SBF2: variants seen among roughly 807,000 people sequenced by gnomAD.
The protein encoded by SBF2 is SET binding factor 2.
Under a neutral mutation model 225.2 loss-of-function variants are expected in SBF2, and 112 were observed. The observed-to-expected ratio is 0.50, with a 90% CI of 0.43 to 0.58. SBF2 has a LOEUF of 0.58. Among genes scored for constraint, SBF2 ranks in the 20% least tolerant of loss-of-function variants. The probability of loss-of-function intolerance (pLI) is 0.00; values close to 1 mark genes in which losing one functional copy is unlikely to be tolerated. For missense variants in SBF2, 1,996 were observed against 2,206.2 expected (o/e 0.90, Z 1.91); for synonymous variants, 763 against 773.3 (o/e 0.99, Z 0.22).
At chr11:9,850,986 A>G (rs1856886798) in intron 21 of SBF2, among the ~76,000 whole-genome samples, 1 of 152,048 alleles carries the variant, frequency 6.6e-6, no homozygotes, top group South Asian at 2.1e-4. Context: ...AAACACAAAA[A>G]TTAGCTGGGC....
At chr11:10,293,975 G>A in intron 1 of SBF2, 40 bp downstream of exon 1, 2 of 1,293,246 alleles carry the variant, frequency 1.5e-6, no homozygotes, top group South Asian at 2.4e-5. Flanking sequence ...GCGGCCGGGG[G>A]GCGGGGAGGC....
intron 9 of SBF2, 58 bp downstream of exon 9, chr11:9,998,208 C>G: frequency 1.0e-6 from 1 of 982,916 alleles, no homozygotes. Context: ...TTAATTTTAG[C>G]TATCTTAGCT....
At chr11:9,805,716 G>A (rs369079517) in intron 32 of SBF2, among the ~76,000 whole-genome samples, 2 of 152,078 alleles carry the variant, frequency 1.3e-5, no homozygotes, top group Non-Finnish European at 1.5e-5. Context: ...TCCGCCTCCC[G>A]GGTTCAAGCG....
intron 16 of SBF2, among the ~76,000 whole-genome samples, chr11:9,911,937 C>T (rs551490059): frequency 4.6e-5 from 7 of 152,350 alleles, no homozygotes; most frequent in South Asian, 2.1e-4. Context: ...GTCCAACACG[C>T]GGCCCACAGG....
intron 16 of SBF2, among the ~76,000 whole-genome samples, chr11:9,954,001 G>A (rs1212332456): frequency 1.3e-5 from 2 of 152,160 alleles, no homozygotes; most frequent in East Asian, 1.9e-4. Flanking sequence ...AAAAGTTAAG[G>A]CCATGATATT....
At chr11:9,942,578 T>C (rs1865318411) in intron 16 of SBF2, among the ~76,000 whole-genome samples, 1 of 152,194 alleles carries the variant, frequency 6.6e-6, no homozygotes, top group Non-Finnish European at 1.5e-5. Context: ...AGATACAGCA[T>C]GGGGGCTTGC....
chr11:10,024,553 T>C (rs188129097), intron 6 of SBF2, among the ~76,000 whole-genome samples: 3 of 152,000 alleles, frequency 2.0e-5, no homozygotes, highest in African/African-American at 7.3e-5. Context: ...ACAGCAAGCA[T>C]CTCCCCAAAC....
chr11:10,297,875 G>A (rs1438309536), upstream of SBF2, among the ~76,000 whole-genome samples: 1 of 152,244 alleles, frequency 6.6e-6, no homozygotes, highest in Non-Finnish European at 1.5e-5. Context: ...ACAGCTGCCA[G>A]CCTGTTGAAA....
intron 16 of SBF2, among the ~76,000 whole-genome samples, chr11:9,919,799 T>C (rs1284773453): frequency 6.6e-6 from 1 of 152,138 alleles, no homozygotes; most frequent in East Asian, 1.9e-4. Context: ...TCTCCTCCCT[T>C]AGGCTCACTA....
intron 16 of SBF2, among the ~76,000 whole-genome samples, chr11:9,912,314 C>T (rs1290988828): frequency 2.7e-5 from 4 of 146,054 alleles, no homozygotes; most frequent in Non-Finnish European, 6.0e-5. Context: ...TAGCTGGGTG[C>T]GGTGGCTCAC....
intron 36 of SBF2, among the ~76,000 whole-genome samples, chr11:9,786,916 G>A (rs555982136): frequency 2.0e-5 from 3 of 152,182 alleles, no homozygotes; most frequent in Non-Finnish European, 4.4e-5. Flanking sequence ...TTTTTGAGAC[G>A]GAGTCTTGTT....
chr11:10,252,105 T>C (rs1960410269), intron 1 of SBF2, among the ~76,000 whole-genome samples: 1 of 152,254 alleles, frequency 6.6e-6, no homozygotes, highest in South Asian at 2.1e-4. Flanking sequence ...GTTTGCCTCC[T>C]GTAAACAGGA....
In SBF2 at chr11:9,825,527, G is replaced by T. The variant is rs559984821; in HGVS notation, c.3793+3829C>A. Among the ~76,000 whole-genome samples, 68 of 152,292 alleles carry T rather than the reference G, an allele frequency of 4.5e-4. 2 individuals are homozygous for T. In the Middle Eastern group the frequency reaches 0.017, roughly 38 times the overall value. ...ACTCATTGGAAAGATGACTCAAGGA[G>T]GTTGAAAGCTCTTAGGAAATCCTGC... On this transcript the variant is annotated intron_variant, in intron 28 of 39. Transcript: ENST00000256190.
At chr11:9,787,519 C>A in intron 36 of SBF2, 115 bp downstream of exon 36, 1 of 826,604 alleles carries the variant, frequency 1.2e-6, no homozygotes, top group Non-Finnish European at 2.1e-6. Context: ...CCCTTTCCAC[C>A]CTTCCTTCTG....
chr11:10,185,909 G>A (rs1341287434), intron 2 of SBF2, among the ~76,000 whole-genome samples: 1 of 152,036 alleles, frequency 6.6e-6, no homozygotes, highest in Non-Finnish European at 1.5e-5. Context: ...GTTGGTTCTA[G>A]ATAGCTCCAG....
At chr11:10,065,464 CAA>C (rs1244120491) in intron 2 of SBF2, among the ~76,000 whole-genome samples, 1 of 151,774 alleles carries the variant, frequency 6.6e-6, no homozygotes, top group Non-Finnish European at 1.5e-5. Context: ...TCAACTAAAG[CAA>C]AAGTTTGTTC....
At chr11:9,798,824 C>T (rs1301251351) in intron 32 of SBF2, among the ~76,000 whole-genome samples, 4 of 151,714 alleles carry the variant, frequency 2.6e-5, no homozygotes, top group East Asian at 1.9e-4. Flanking sequence ...TGGTGGCGGG[C>T]GCCTGTAGTC....
At chr11:10,190,337 C>T (rs1400927317) in intron 2 of SBF2, among the ~76,000 whole-genome samples, 5 of 152,110 alleles carry the variant, frequency 3.3e-5, no homozygotes, top group Non-Finnish European at 7.4e-5. Context: ...TTAACTGCAA[C>T]TTTATTTATA....
At chr11:10,084,697 G>T (rs763934867) in intron 2 of SBF2, among the ~76,000 whole-genome samples, 1 of 152,090 alleles carries the variant, frequency 6.6e-6, no homozygotes, top group Non-Finnish European at 1.5e-5. Context: ...GTCCATCAAC[G>T]GATGACTGGA....
Sources: gnomAD v4.1 joint callset for allele counts (sites outside exome capture counted in the v4.1 genomes callset) on GRCh38, gnomAD v4.1.1 for gene constraint, MANE v1.5 for transcripts, NCBI Gene and HGNC (gene_info 2026-07-23, HGNC 2026-07-21) for gene names.